Variants in ARHGAP25 observed in about 807,000 individuals in gnomAD.
The protein encoded by ARHGAP25 is rho GTPase-activating protein 25.
A neutral mutation model predicts 71.0 loss-of-function variants in ARHGAP25; 34 were observed. The observed-to-expected ratio is 0.48, with a 90% CI of 0.36 to 0.64. ARHGAP25 has a LOEUF of 0.64. Among genes scored for constraint, ARHGAP25 ranks in the 30% least tolerant of loss-of-function variants. The pLI, the probability that ARHGAP25 is intolerant of heterozygous loss-of-function variation, is 0.00. For missense variants in ARHGAP25, 706 were observed against 805.1 expected (o/e 0.88, Z 1.49); for synonymous variants, 282 against 296.5 (o/e 0.95, Z 0.50).
chr2:68,751,115 A>G (rs72828881), intron 1 of ARHGAP25, among the ~76,000 whole-genome samples: 14,983 of 152,200 alleles, frequency 0.098, 977 homozygotes, highest in Non-Finnish European at 0.15. Context: ...GACTCTTTCA[A>G]TGTCTTTCAC....
In ARHGAP25 at chr2:68,810,731, C is replaced by T. The variant is rs920250151; in HGVS notation, c.675-2556C>T. Among the ~76,000 whole-genome samples the T allele has an allele frequency of 2.4e-4, 18 of 74,334 alleles. 2 individuals carry two copies. The highest frequency in any genetic ancestry group is 1.2e-3 in the East Asian group (1 of 838). 48.8% of individuals were successfully genotyped at this position (74,334 alleles called of 152,430 possible). On this transcript the variant is annotated intron_variant, in intron 5 of 10. Coordinates refer to ENST00000409202, the MANE Select transcript of ARHGAP25 (RefSeq NM_001007231.3). ...GATCCAATTTCTTTTCTTTTCTTCTCTTTTTTTTTTTTTTTTTTTTTGAGA... is the reference window on the plus strand; with the variant it reads ...GATCCAATTTCTTTTCTTTTCTTCTTTTTTTTTTTTTTTTTTTTTTTGAGA...
chr2:68,822,406 A>G lies in ARHGAP25; in HGVS notation c.1267A>G (p.Ser423Gly), dbSNP rs150901180. 77 of 1,614,072 alleles carry G rather than the reference A, an allele frequency of 4.8e-5. No homozygotes were observed. In the African/African-American group the frequency reaches 9.6e-4, roughly 20 times the overall value. ...QPSDAFPEDS[S>G]KVPREKPGDW... is the part of the protein sequence containing the mutation. ...GAGCGATGCGTTTCCGGAGGACAGCAGCAAAGTACCCAGGGAAAAGCCAGG... is the reference window on the plus strand; with the variant it reads ...GAGCGATGCGTTTCCGGAGGACAGCGGCAAAGTACCCAGGGAAAAGCCAGG... The change falls in exon 10 of 11, where the codon AGC becomes GGC. Residue 423 changes from serine to glycine, a missense_variant. Ser to Gly is a moderately conservative substitution (Grantham distance 56). Transcript: ENST00000409202.
At chr2:68,711,239 T>TG (rs1430772338) in intron 2 of ARHGAP25, among the ~76,000 whole-genome samples, 3 of 152,136 alleles carry the variant, frequency 2.0e-5, no homozygotes, top group South Asian at 2.1e-4. Flanking sequence ...TTGTGGTGGA[T>TG]GGGGGAGGAA....
At chr2:68,772,721 G>T (rs11890898) in intron 1 of ARHGAP25, among the ~76,000 whole-genome samples, 127,980 of 152,166 alleles carry the variant, frequency 0.84, 54,203 homozygotes, top group African/African-American at 0.88. Flanking sequence ...GTAGTTCTTT[G>T]GGGATCATTT....
chr2:68,732,503 T>A (rs542785154), upstream of ARHGAP25, among the ~76,000 whole-genome samples: 2 of 152,330 alleles, frequency 1.3e-5, no homozygotes, highest in South Asian at 4.1e-4. Flanking sequence ...AGCAGTGGTG[T>A]TTGGGTCAGG....
chr2:68,739,320 G>C (rs1460828616), intron 1 of ARHGAP25, among the ~76,000 whole-genome samples: 2 of 152,212 alleles, frequency 1.3e-5, no homozygotes, highest in African/African-American at 4.8e-5. Context: ...CAATGGCCCT[G>C]GCGTGGGTAT....
chr2:68,733,362 C>T (rs1285887183), upstream of ARHGAP25, among the ~76,000 whole-genome samples: 1 of 152,190 alleles, frequency 6.6e-6, no homozygotes, highest in Non-Finnish European at 1.5e-5. Flanking sequence ...GCAAAAACAT[C>T]AACCAAGGGA....
At chr2:68,725,130 G>A (rs1674853235) in intron 2 of ARHGAP25, among the ~76,000 whole-genome samples, 1 of 152,064 alleles carries the variant, frequency 6.6e-6, no homozygotes. Flanking sequence ...TATCCATGAG[G>A]CTGGTGCCTT....
In ARHGAP25 at chr2:68,826,246, C is replaced by T. The variant is rs765198612; in HGVS notation, c.*52C>T. ...CCCCAGAGAGGCCCAACTCTGGCCCCTTTCTCAGTGCTATCTGATGACGGG... is the reference window on the plus strand; with the variant it reads ...CCCCAGAGAGGCCCAACTCTGGCCCTTTTCTCAGTGCTATCTGATGACGGG... On this transcript the variant is annotated 3_prime_UTR_variant, in exon 11 of 11. Transcript: ENST00000409202. 2.6e-6 allele frequency: 4 copies of T among 1,525,326 alleles called. No individual in the cohort carries two copies. The highest frequency in any genetic ancestry group is 3.6e-6 in the Non-Finnish European group (4 of 1,100,054). The allele number at this position is 1,525,326 out of a possible 1,614,324, so 94.5% of individuals were successfully genotyped here. A position where few individuals can be genotyped will look rare whatever the true frequency, so the allele number is the denominator to read the frequency against.
At chr2:68,753,911 T>TC (rs1036734922) in intron 1 of ARHGAP25, among the ~76,000 whole-genome samples, 3 of 151,596 alleles carry the variant, frequency 2.0e-5, no homozygotes, top group African/African-American at 7.3e-5. Flanking sequence ...TGTATTTTTT[T>TC]TTTTTTTTTG....
chr2:68,723,947 T>C (rs1250581806), intron 2 of ARHGAP25, among the ~76,000 whole-genome samples: 1 of 152,016 alleles, frequency 6.6e-6, no homozygotes, highest in Non-Finnish European at 1.5e-5. Flanking sequence ...CCATCTCAGC[T>C]CACTGCAGCC....
At chr2:68,796,338 GT>G (rs973252979) in intron 4 of ARHGAP25, among the ~76,000 whole-genome samples, 1 of 152,128 alleles carries the variant, frequency 6.6e-6, no homozygotes, top group Non-Finnish European at 1.5e-5. Context: ...ATTTTGAGGA[GT>G]TTTTTTGGTT....
At chr2:68,713,329 C>G (rs1260102537) in intron 2 of ARHGAP25, among the ~76,000 whole-genome samples, 2 of 152,142 alleles carry the variant, frequency 1.3e-5, no homozygotes, top group Non-Finnish European at 2.9e-5. Flanking sequence ...TATAGGAATG[C>G]TTGTGATTTT....
chr2:68,780,660 C>T (rs1024879463), intron 2 of ARHGAP25, among the ~76,000 whole-genome samples: 1 of 151,930 alleles, frequency 6.6e-6, no homozygotes, highest in Non-Finnish European at 1.5e-5. Flanking sequence ...TGTTCTTTCT[C>T]CTCTTCCTTC....
chr2:68,779,179 C>T (rs1645081477), intron 2 of ARHGAP25, among the ~76,000 whole-genome samples: 1 of 152,178 alleles, frequency 6.6e-6, no homozygotes, highest in Non-Finnish European at 1.5e-5. Context: ...TAACAACTGG[C>T]CCTCTGATGG....
At chr2:68,729,879 C>G (rs1674973969), upstream of ARHGAP25, among the ~76,000 whole-genome samples, 2 of 152,254 alleles carry the variant, frequency 1.3e-5, no homozygotes. Flanking sequence ...CCCAGCATTT[C>G]TATCTCTAAG....
At chr2:68,824,586 T>C (rs749234293) in intron 10 of ARHGAP25, among the ~76,000 whole-genome samples, 4 of 151,928 alleles carry the variant, frequency 2.6e-5, no homozygotes, top group African/African-American at 4.8e-5. Flanking sequence ...CCTAAAAATA[T>C]AAAACATTAG....
At chr2:68,725,162 A>G (rs931813445) in intron 2 of ARHGAP25, among the ~76,000 whole-genome samples, 3 of 152,108 alleles carry the variant, frequency 2.0e-5, no homozygotes, top group Non-Finnish European at 2.9e-5. Context: ...CACCTGCACA[A>G]TCATGCGCAG....
chr2:68,807,385 G>A lies in ARHGAP25; in HGVS notation c.579G>A (p.Arg193=). The A allele has an allele frequency of 6.2e-7, 1 of 1,614,236 alleles. No homozygotes were observed. The highest frequency in any genetic ancestry group is 1.1e-5 in the South Asian group (1 of 91,088). Residue 193 remains arginine (R), a synonymous_variant, in exon 5 of 11, where the codon CGG becomes CGA. Transcript: ENST00000409202. ...KCAEFILEHG[R]NEEGIFRLPG... is the part of the protein sequence containing the mutation. ...CAGAGTTCATCCTGGAGCACGGCCGGAATGAAGAGGGCATCTTCCGTCTGC... is the reference window on the plus strand; with the variant it reads ...CAGAGTTCATCCTGGAGCACGGCCGAAATGAAGAGGGCATCTTCCGTCTGC...
Sources: gnomAD v4.1 joint callset for allele counts (sites outside exome capture counted in the v4.1 genomes callset) on GRCh38, gnomAD v4.1.1 for gene constraint, MANE v1.5 for transcripts, NCBI Gene and HGNC (gene_info 2026-07-23, HGNC 2026-07-21) for gene names.